The following PCDHA11 variants were observed in gnomAD, a reference collection of about 807,000 sequenced individuals.
PCDHA11 encodes the protein protocadherin alpha-11.
Under a neutral mutation model 70.3 loss-of-function variants are expected in PCDHA11, and 61 were observed. The ratio of observed to expected loss-of-function variants is 0.87; its 90% CI spans 0.71 to 1.07. The LOEUF is 1.07. PCDHA11 is among the 50% of genes least tolerant of loss of function. The pLI is 0.00. For synonymous variants in PCDHA11, 633 were observed against 555.1 expected, an observed-to-expected ratio of 1.14 and a Z score of -1.97; for missense variants, 1,324 against 1,237.5, an observed-to-expected ratio of 1.07 and a Z score of -1.05.
At chr5:140,966,914 G>C in intron 1 of PCDHA11, 2 of 1,602,270 alleles carry the variant, frequency 1.2e-6, no homozygotes, top group Non-Finnish European at 1.7e-6. Flanking sequence ...CTCTGTGCCA[G>C]AGGAGCAGGC....
In PCDHA11 at chr5:140,914,736, T is replaced by C. The variant is rs76155363; in HGVS notation, c.2391+43242T>C. Among the ~76,000 whole-genome samples, 1,216 of 152,300 alleles carry C rather than the reference T, an allele frequency of 8.0e-3. 6 individuals are homozygous for C. Among genetic ancestry groups the C allele is most frequent in the African/African-American group, 0.019 (785 of 41,570 alleles). On this transcript the variant is annotated intron_variant, in intron 1 of 3. Transcript: ENST00000398640. ...TTTTTTATTTTTTGTGTATCCATTG[T>C]ATGTTTTTCCATTTGAGGTTACATG...
chr5:140,960,575 A>G (rs990834964), intron 1 of PCDHA11, among the ~76,000 whole-genome samples: 4 of 152,186 alleles, frequency 2.6e-5, no homozygotes, highest in Non-Finnish European at 2.9e-5. Flanking sequence ...AAACAGTTGG[A>G]AAACAGTTCA....
At chr5:140,949,544 T>A (rs981428881) in intron 1 of PCDHA11, among the ~76,000 whole-genome samples, 1 of 151,908 alleles carries the variant, frequency 6.6e-6, no homozygotes, top group Non-Finnish European at 1.5e-5. Flanking sequence ...TATCGATTTG[T>A]TGCTGGTCAT....
In PCDHA11 at chr5:140,946,611, A is replaced by AATATATATATATAT. The variant is rs1554217734; in HGVS notation, c.2392-32330_2392-32317dup. Among the ~76,000 whole-genome samples the AATATATATATATAT allele has an allele frequency of 6.8e-3, 593 of 86,748 alleles. 22 individuals are homozygous for AATATATATATATAT. Among genetic ancestry groups the AATATATATATATAT allele is most frequent in the African/African-American group, 0.021 (323 of 15,664 alleles). The allele number at this position is 86,748 out of a possible 152,430, so 56.9% of individuals were successfully genotyped here. A position where few individuals can be genotyped will look rare whatever the true frequency, so the allele number is the denominator to read the frequency against. On this transcript the variant is annotated intron_variant, in intron 1 of 3. Coordinates refer to ENST00000398640, the MANE Select transcript of PCDHA11 (RefSeq NM_018902.5). ...GGATGAATAGATAAAGAAAATGTGA[A>AATATATATATATAT]ATATATATATATATATATATACAAT... is the stretch of plus-strand genomic sequence containing the variant.
intron 1 of PCDHA11, among the ~76,000 whole-genome samples, chr5:140,955,134 C>T (rs868995724): frequency 3.3e-5 from 5 of 152,022 alleles, no homozygotes; most frequent in African/African-American, 1.2e-4. Context: ...CTGGTCTACA[C>T]GTCTGTTTTT....
chr5:140,882,262 G>A (rs907928710), intron 1 of PCDHA11: 14 of 1,605,126 alleles, frequency 8.7e-6, no homozygotes, highest in Non-Finnish European at 1.2e-5. Flanking sequence ...GGTTTTTGGA[G>A]TGTACCATGC....
intron 1 of PCDHA11, among the ~76,000 whole-genome samples, chr5:140,919,029 A>C (rs1474107507): frequency 6.6e-6 from 1 of 152,126 alleles, no homozygotes; most frequent in Non-Finnish European, 1.5e-5. Flanking sequence ...TCTTCTGCCT[A>C]GTTGTTGTCC....
intron 1 of PCDHA11, among the ~76,000 whole-genome samples, chr5:140,965,185 CAT>C (rs782612335): frequency 4.6e-5 from 7 of 152,138 alleles, no homozygotes; most frequent in Non-Finnish European, 1.0e-4. Flanking sequence ...TTTTTTTGCA[CAT>C]GAGGCAATAG....
intron 1 of PCDHA11, chr5:140,928,126 C>T (rs782461261): frequency 1.2e-6 from 2 of 1,614,176 alleles, no homozygotes; most frequent in Non-Finnish European, 1.7e-6. Context: ...CAGTGAATAC[C>T]AAGTCCTGAT....
chr5:140,993,460 T>TCACACACA (rs1554253699), intron 3 of PCDHA11, among the ~76,000 whole-genome samples: 14 of 104,506 alleles, frequency 1.3e-4, no homozygotes, highest in African/African-American at 2.4e-4. Flanking sequence ...CTTCTTTCTT[T>TCACACACA]CTCACACACA....
At chr5:140,920,069 G>C (rs527472900) in intron 1 of PCDHA11, among the ~76,000 whole-genome samples, 1 of 152,288 alleles carries the variant, frequency 6.6e-6, no homozygotes, top group Non-Finnish European at 1.5e-5. Context: ...GGAAAAGGCA[G>C]AAACAGATTC....
rs2050777662 is a variant in PCDHA11 at position 140,868,980 on chromosome 5, G to T, written c.-124G>T. The T allele has an allele frequency of 3.4e-6, 5 of 1,489,988 alleles. No homozygotes were observed. The highest frequency in any genetic ancestry group is 1.4e-5 in the South Asian group (1 of 71,986). The allele number at this position is 1,489,988 out of a possible 1,614,324, so 92.3% of individuals were successfully genotyped here. A position where few individuals can be genotyped will look rare whatever the true frequency, so the allele number is the denominator to read the frequency against. ...CCATACAAAGGAACTCCATCATACC[G>T]GATGCCACCGTTTAAGGATCCTTTG... is the stretch of plus-strand genomic sequence containing the variant. On this transcript the variant is annotated 5_prime_UTR_variant, in exon 1 of 4. Coordinates refer to ENST00000398640, the MANE Select transcript of PCDHA11 (RefSeq NM_018902.5).
intron 3 of PCDHA11, among the ~76,000 whole-genome samples, chr5:141,008,574 A>G (rs1554261815): frequency 1.3e-5 from 2 of 152,164 alleles, no homozygotes; most frequent in Admixed American, 1.3e-4. Context: ...TCATTTTCCC[A>G]AGACTCAGGG....
intron 1 of PCDHA11, chr5:140,968,325 C>T (rs148804197): frequency 1.2e-6 from 2 of 1,613,988 alleles, no homozygotes; most frequent in African/African-American, 2.7e-5. Context: ...CCAGTCACCT[C>T]CTATGTCTCC....
At chr5:141,001,624 CG>C (rs1335079944) in intron 3 of PCDHA11, among the ~76,000 whole-genome samples, 1 of 151,678 alleles carries the variant, frequency 6.6e-6, no homozygotes, top group African/African-American at 2.4e-5. Context: ...AAAGGACTGG[CG>C]GGGGTTGGGG....
At chr5:141,002,273 A>G (rs1040927044) in intron 3 of PCDHA11, among the ~76,000 whole-genome samples, 42 of 152,308 alleles carry the variant, frequency 2.8e-4, no homozygotes, top group African/African-American at 8.9e-4. Context: ...AGAGCTGGTA[A>G]CAAAGGGATG....
At chr5:140,875,820 T>C (rs2055843364) in intron 1 of PCDHA11, 1 of 1,613,978 alleles carries the variant, frequency 6.2e-7, no homozygotes, top group African/African-American at 1.3e-5. Flanking sequence ...CGCTGCAGGT[T>C]TTCCATGTGG....
At chr5:140,903,942 A>G (rs1279645269) in intron 1 of PCDHA11, among the ~76,000 whole-genome samples, 5 of 152,212 alleles carry the variant, frequency 3.3e-5, no homozygotes, top group African/African-American at 1.2e-4. Flanking sequence ...TACCTCTTAA[A>G]TACTGGAAAA....
chr5:140,926,745 C>T (rs1344644551), intron 1 of PCDHA11: 3 of 1,219,360 alleles, frequency 2.5e-6, no homozygotes, highest in Non-Finnish European at 3.2e-6. Flanking sequence ...GGCGCAACGT[C>T]GGCGGTCGCT....
Sources: gnomAD v4.1 joint callset for allele counts (sites outside exome capture counted in the v4.1 genomes callset) on GRCh38, gnomAD v4.1.1 for gene constraint, MANE v1.5 for transcripts, NCBI Gene and HGNC (gene_info 2026-07-23, HGNC 2026-07-21) for gene names.